Variants in C13orf42 observed in about 807,000 individuals in gnomAD.
The protein encoded by C13orf42 is uncharacterized protein C13orf42.
rs554136444 is a variant in C13orf42 at position 51,153,474 on chromosome 13, CTG to C, written n.136+18777_136+18778del. ...AGAGAGAGAGAGACAGAGATAGAGA[CTG>C]TGAGAGAGAAAGCTTTTCTCCTACT... On this transcript the variant is annotated intron_variant and non_coding_transcript_variant, in intron 1 of 4. Transcript: ENST00000433280. 4.6e-5 allele frequency among the ~76,000 whole-genome samples: 7 copies of C among 151,934 alleles called. No individual in the cohort carries two copies. The East Asian group carries it at 9.7e-4, about 21-fold the overall frequency.
chr13:51,112,693 C>T (rs967101288), upstream of C13orf42, among the ~76,000 whole-genome samples: 7 of 152,148 alleles, frequency 4.6e-5, no homozygotes, highest in African/African-American at 1.7e-4. Context: ...AGCATTATTT[C>T]CATTATCATC....
intron 1 of C13orf42, among the ~76,000 whole-genome samples, chr13:51,147,420 G>A (rs1379916924): frequency 6.7e-6 from 1 of 148,930 alleles, no homozygotes; most frequent in Non-Finnish European, 1.5e-5. Flanking sequence ...CCAGGGCTCT[G>A]TGGACTCATT....
At chr13:51,106,270 G>A (rs181091639) in intron 1 of C13orf42, among the ~76,000 whole-genome samples, 1 of 152,258 alleles carries the variant, frequency 6.6e-6, no homozygotes, top group East Asian at 1.9e-4. Flanking sequence ...AAGAAGCCCA[G>A]TCTCTCCCAC....
upstream of C13orf42, among the ~76,000 whole-genome samples, chr13:51,115,680 C>T (rs535360208): frequency 5.9e-5 from 9 of 151,814 alleles, no homozygotes; most frequent in South Asian, 2.1e-4. Context: ...TGATGGGGAA[C>T]GAAGGAAGAG....
intron 1 of C13orf42, among the ~76,000 whole-genome samples, chr13:51,102,603 A>G (rs1473650802): frequency 6.6e-6 from 1 of 152,174 alleles, no homozygotes; most frequent in African/African-American, 2.4e-5. Context: ...AGGGGTGTAT[A>G]TTTTGCAACT....
chr13:51,163,632 G>A (rs915276985), intron 1 of C13orf42, among the ~76,000 whole-genome samples: 1 of 152,116 alleles, frequency 6.6e-6, no homozygotes, highest in African/African-American at 2.4e-5. Context: ...TCAATCCCCT[G>A]TATGACCTGC....
intron 1 of C13orf42, among the ~76,000 whole-genome samples, chr13:51,151,080 A>G (rs1201515593): frequency 6.6e-6 from 1 of 152,240 alleles, no homozygotes; most frequent in Non-Finnish European, 1.5e-5. Flanking sequence ...AGTAGACAGA[A>G]TAACAGCCCC....
At chr13:51,140,461 A>C (rs1953687678) in intron 1 of C13orf42, among the ~76,000 whole-genome samples, 1 of 152,160 alleles carries the variant, frequency 6.6e-6, no homozygotes, top group Non-Finnish European at 1.5e-5. Flanking sequence ...TATTTTGGTA[A>C]CCATGGGGGG....
intron 1 of C13orf42, among the ~76,000 whole-genome samples, chr13:51,100,547 T>C (rs750312452): frequency 2.0e-5 from 3 of 152,156 alleles, no homozygotes; most frequent in Non-Finnish European, 2.9e-5. Flanking sequence ...TTTATGACGA[T>C]AAAAAAGGTC....
intron 1 of C13orf42, among the ~76,000 whole-genome samples, chr13:51,089,524 G>A (rs1009550415): frequency 6.6e-6 from 1 of 152,032 alleles, no homozygotes; most frequent in Non-Finnish European, 1.5e-5. Flanking sequence ...CCTCCCCTTT[G>A]CTCGCCCTCT....
In C13orf42 at chr13:51,083,626, A is replaced by AG. The variant is rs1247190033; in HGVS notation, c.*524_*525insC. The AG allele has an allele frequency of 7.9e-6, 1 of 127,012 alleles. No individual in the cohort carries two copies. The highest frequency in any genetic ancestry group is 3.6e-5 in the African/African-American group (1 of 28,044). The allele number at this position is 127,012 out of a possible 1,614,324, so 7.9% of individuals were successfully genotyped here. A position where few individuals can be genotyped will look rare whatever the true frequency, so the allele number is the denominator to read the frequency against. On this transcript the variant is annotated 3_prime_UTR_variant, in exon 4 of 4. Transcript: ENST00000563710. ...GCAGGAGTTTCTGGAAAACTCTGAAAAGAGAGCAAAAGGAGCTGCTTTCTC... is the reference window on the plus strand; with the variant it reads ...GCAGGAGTTTCTGGAAAACTCTGAAAGAGAGAGCAAAAGGAGCTGCTTTCTC...
chr13:51,146,279 A>G (rs1953734617), intron 1 of C13orf42, among the ~76,000 whole-genome samples: 1 of 152,206 alleles, frequency 6.6e-6, no homozygotes, highest in Non-Finnish European at 1.5e-5. Context: ...AATCAGAGAT[A>G]ACACAGGAAA....
chr13:51,146,045 C>T (rs987097958), intron 1 of C13orf42, among the ~76,000 whole-genome samples: 1 of 152,090 alleles, frequency 6.6e-6, no homozygotes, highest in Non-Finnish European at 1.5e-5. Flanking sequence ...TAGAGCAATG[C>T]TGTGCAATAT....
At chr13:51,110,084 C>T (rs1953410512) in intron 1 of C13orf42, among the ~76,000 whole-genome samples, 1 of 152,206 alleles carries the variant, frequency 6.6e-6, no homozygotes, top group Non-Finnish European at 1.5e-5. Flanking sequence ...CTCTCCGTGT[C>T]TATGCCTGAG....
intron 1 of C13orf42, among the ~76,000 whole-genome samples, chr13:51,157,398 C>T (rs1953832572): frequency 6.6e-6 from 1 of 152,156 alleles, no homozygotes; most frequent in Non-Finnish European, 1.5e-5. Context: ...TGTGCCACTG[C>T]ACTCCAGCCT....
chr13:51,132,321 T>G (rs1953624057), intron 1 of C13orf42, among the ~76,000 whole-genome samples: 1 of 151,880 alleles, frequency 6.6e-6, no homozygotes, highest in Non-Finnish European at 1.5e-5. Flanking sequence ...TAATCCTAGC[T>G]ACTCAGGAGG....
At chr13:51,092,776 C>T (rs1953193523) in intron 1 of C13orf42, among the ~76,000 whole-genome samples, 1 of 151,952 alleles carries the variant, frequency 6.6e-6, no homozygotes, top group African/African-American at 2.4e-5. Flanking sequence ...CTGAGAAGTA[C>T]ATAGGCATAT....
intron 2 of C13orf42, among the ~76,000 whole-genome samples, chr13:51,086,555 C>T (rs1373434009): frequency 1.3e-5 from 2 of 151,832 alleles, no homozygotes; most frequent in African/African-American, 4.8e-5. Context: ...AAAGACATAT[C>T]CCCAAATGTT....
At chr13:51,167,270 C>G (rs1348477331) in intron 1 of C13orf42, among the ~76,000 whole-genome samples, 2 of 152,106 alleles carry the variant, frequency 1.3e-5, no homozygotes, top group African/African-American at 4.8e-5. Context: ...CACTCTCTCT[C>G]TTACACATAC....
Sources: gnomAD v4.1 joint callset for allele counts (sites outside exome capture counted in the v4.1 genomes callset) on GRCh38, gnomAD v4.1.1 for gene constraint, MANE v1.5 for transcripts, NCBI Gene and HGNC (gene_info 2026-07-23, HGNC 2026-07-21) for gene names.